The following FRMD4A variants were observed in gnomAD, a reference collection of about 807,000 sequenced individuals.
FRMD4A encodes FERM domain containing 4A.
A neutral mutation model predicts 129.1 loss-of-function variants in FRMD4A; 29 were observed. That is an observed-to-expected ratio of 0.22 (90% confidence interval 0.17 to 0.31). The LOEUF (loss-of-function observed/expected upper bound fraction) is 0.31. Ranked by LOEUF, FRMD4A falls within the 10% of genes least tolerant of loss-of-function variation. FRMD4A has a pLI of 1.00. For missense variants in FRMD4A, 1,272 were observed against 1,375.8 expected (o/e 0.92, Z 1.19); for synonymous variants, 634 against 571.6 (o/e 1.11, Z -1.56).
chr10:14,142,888 A>G (rs1056565368), intron 2 of FRMD4A, among the ~76,000 whole-genome samples: 4 of 152,252 alleles, frequency 2.6e-5, no homozygotes, highest in African/African-American at 4.8e-5. Flanking sequence ...CAATAAATAC[A>G]TGGAAAGATG....
chr10:14,123,787 G>A (rs763535529), intron 2 of FRMD4A, among the ~76,000 whole-genome samples: 1 of 152,158 alleles, frequency 6.6e-6, no homozygotes, highest in Non-Finnish European at 1.5e-5. Context: ...CTGTTACTAA[G>A]CCTTTACATA....
intron 2 of FRMD4A, among the ~76,000 whole-genome samples, chr10:14,097,592 A>G (rs924044314): frequency 6.6e-6 from 1 of 152,156 alleles, no homozygotes; most frequent in African/African-American, 2.4e-5. Context: ...GGACTGTTGG[A>G]TTCCAAATTT....
At chr10:13,875,675 G>A (rs12778887) in intron 2 of FRMD4A, among the ~76,000 whole-genome samples, 8,938 of 152,226 alleles carry the variant, frequency 0.059, 296 homozygotes, top group African/African-American at 0.084. Flanking sequence ...AAATGGGAGA[G>A]AGACCAAAGA....
chr10:13,693,917 G>A lies in FRMD4A; in HGVS notation c.1098C>T (p.Ser366=), dbSNP rs762855887. The change falls in exon 15 of 25, where the codon AGC becomes AGT. Residue 366 remains serine, a synonymous_variant. Coordinates refer to ENST00000357447, the MANE Select transcript of FRMD4A (RefSeq NM_018027.5). ...GSKGKIISGS[S]GSLLSSGSQE... The stretch of plus-strand genomic sequence containing the variant: ...GCCTACCTGAAGACAGCAGGCTGCC[G>A]CTGCTGCCGCTGATGATCTTCCCCT... 4.4e-6 allele frequency: 7 copies of A among 1,607,376 alleles called. No individual in the cohort carries two copies. The highest frequency in any genetic ancestry group is 2.2e-5 in the East Asian group (1 of 44,766).
intron 2 of FRMD4A, among the ~76,000 whole-genome samples, chr10:13,869,927 T>C (rs902605932): frequency 3.9e-5 from 6 of 152,254 alleles, no homozygotes; most frequent in Non-Finnish European, 7.3e-5. Flanking sequence ...ACGGATATCT[T>C]TGGTTCTGCA....
At chr10:14,291,222 T>C (rs1845841579) in intron 2 of FRMD4A, among the ~76,000 whole-genome samples, 1 of 152,128 alleles carries the variant, frequency 6.6e-6, no homozygotes. Context: ...ATTCATACAT[T>C]TGTAATACCA....
chr10:14,052,724 A>ATTT (rs10695815), intron 2 of FRMD4A, among the ~76,000 whole-genome samples: 98 of 150,522 alleles, frequency 6.5e-4, no homozygotes, highest in Non-Finnish European at 9.6e-4. Flanking sequence ...ATAACTGGCT[A>ATTT]TTTTTTTTTC....
chr10:14,232,830 C>T (rs1056634380), intron 2 of FRMD4A, among the ~76,000 whole-genome samples: 2 of 152,136 alleles, frequency 1.3e-5, no homozygotes, highest in Non-Finnish European at 2.9e-5. Context: ...TGGGCAGAGA[C>T]TTTAGGGTTT....
intron 2 of FRMD4A, among the ~76,000 whole-genome samples, chr10:13,874,754 T>C (rs1459128611): frequency 6.6e-6 from 1 of 152,202 alleles, no homozygotes; most frequent in Non-Finnish European, 1.5e-5. Flanking sequence ...ACAAGAGAAA[T>C]AGAATAAAGA....
At chr10:14,225,355 G>C (rs752928793) in intron 2 of FRMD4A, among the ~76,000 whole-genome samples, 6 of 152,218 alleles carry the variant, frequency 3.9e-5, no homozygotes, top group Non-Finnish European at 8.8e-5. Flanking sequence ...TTAAAGCAGA[G>C]AGACACCAAA....
chr10:14,131,709 G>A lies in FRMD4A; in HGVS notation c.45+198349C>T, dbSNP rs76865932. ...TGACTCAGGAAACAGAGGCAAACAA[G>A]ATACCACGCCACGAGATGAATAAGG... is the stretch of plus-strand genomic sequence containing the variant. On this transcript the variant is annotated intron_variant, in intron 2 of 24. Transcript: ENST00000357447. Among the ~76,000 whole-genome samples, 1,179 of 152,208 alleles carry A rather than the reference G, an allele frequency of 7.7e-3. 13 individuals carry two copies. Among genetic ancestry groups the A allele is most frequent in the African/African-American group, 0.027 (1,108 of 41,522 alleles).
chr10:13,893,376 T>C (rs1374175663), intron 2 of FRMD4A, among the ~76,000 whole-genome samples: 1 of 152,176 alleles, frequency 6.6e-6, no homozygotes, highest in African/African-American at 2.4e-5. Flanking sequence ...ACCCCATTTT[T>C]TGATAATGCA....
At chr10:14,123,123 C>A (rs199816527) in intron 2 of FRMD4A, among the ~76,000 whole-genome samples, 10,038 of 152,046 alleles carry the variant, frequency 0.066, 403 homozygotes, top group Admixed American at 0.11. Context: ...GCAAAAAAAA[C>A]AAAAAAACAA....
chr10:14,289,574 G>C (rs908535767), intron 2 of FRMD4A, among the ~76,000 whole-genome samples: 9 of 151,956 alleles, frequency 5.9e-5, no homozygotes. Context: ...TTACAATTCT[G>C]TAGATTGCCT....
At chr10:13,679,133 T>C (rs1449698085) in intron 15 of FRMD4A, among the ~76,000 whole-genome samples, 3 of 151,606 alleles carry the variant, frequency 2.0e-5, no homozygotes, top group Non-Finnish European at 4.4e-5. Context: ...AAAAAACACA[T>C]AGTGTTATGG....
intron 2 of FRMD4A, among the ~76,000 whole-genome samples, chr10:13,955,111 G>GTTTTTTTTT (rs1565107008): frequency 6.0e-5 from 2 of 33,102 alleles, no homozygotes; most frequent in African/African-American, 3.9e-4. Context: ...TAATAATTCT[G>GTTTTTTTTT]CTTTTTTTTT....
intron 3 of FRMD4A, among the ~76,000 whole-genome samples, chr10:13,840,026 G>T (rs2093937946): frequency 6.6e-6 from 1 of 152,186 alleles, no homozygotes; most frequent in Admixed American, 6.5e-5. Context: ...GTGGTGGGTG[G>T]CTTTGCACAC....
chr10:14,237,550 C>T lies in FRMD4A; in HGVS notation c.45+92508G>A, dbSNP rs554716498. On this transcript the variant is annotated intron_variant, in intron 2 of 24. Coordinates refer to ENST00000357447, the MANE Select transcript of FRMD4A (RefSeq NM_018027.5). ...TTCACCATGTTGGCCAGGCTGGTCTCGAACTCCTGACCTCAACTGATCCAC... is the reference window on the plus strand; with the variant it reads ...TTCACCATGTTGGCCAGGCTGGTCTTGAACTCCTGACCTCAACTGATCCAC... Among the ~76,000 whole-genome samples, 239 of 152,092 alleles carry T rather than the reference C, an allele frequency of 1.6e-3. 1 individual carries two copies. Among genetic ancestry groups the T allele is most frequent in the African/African-American group, 5.4e-3 (226 of 41,486 alleles).
chr10:13,867,458 G>A (rs946614458), intron 2 of FRMD4A, among the ~76,000 whole-genome samples: 2 of 149,672 alleles, frequency 1.3e-5, no homozygotes, highest in African/African-American at 4.9e-5. Context: ...ATGGGGACTC[G>A]CCATGTTGTC....
Sources: gnomAD v4.1 joint callset for allele counts (sites outside exome capture counted in the v4.1 genomes callset) on GRCh38, gnomAD v4.1.1 for gene constraint, MANE v1.5 for transcripts, NCBI Gene and HGNC (gene_info 2026-07-23, HGNC 2026-07-21) for gene names.